Variants in ACTN3 observed in about 807,000 individuals in gnomAD.
The protein encoded by ACTN3 is actinin alpha 3, also known as alpha-actinin-3.
A neutral mutation model predicts 119.6 loss-of-function variants in ACTN3; 91 were observed. The ratio of observed to expected loss-of-function variants is 0.76; its 90% CI spans 0.64 to 0.91. The LOEUF (loss-of-function observed/expected upper bound fraction) is 0.91, where lower values mean the gene tolerates loss of function less well. Ranked by LOEUF, ACTN3 falls within the 40% of genes least tolerant of loss-of-function variation. The pLI, the probability that ACTN3 is intolerant of heterozygous loss-of-function variation, is 0.00. For missense variants in ACTN3, 1,221 were observed against 1,215.1 expected (o/e 1.00, Z -0.07); for synonymous variants, 456 against 478.8 (o/e 0.95, Z 0.62).
At position 66,560,642 on chromosome 11, in the gene ACTN3, A is replaced by G. The variant is rs1042175804; in HGVS notation, c.1747A>G (p.Met583Val). 12 of 1,613,768 alleles carry G rather than the reference A, an allele frequency of 7.4e-6. No homozygotes were observed. Among genetic ancestry groups the G allele is most frequent in the Non-Finnish European group, 9.3e-6 (11 of 1,179,890 alleles). Reference sequence around the variant, plus strand: ...GGCTGACCGAGAGCGAGGTGCCATCATGGGCATCCAGGGTGAGATCCAGAA... The same window carrying G: ...GGCTGACCGAGAGCGAGGTGCCATCGTGGGCATCCAGGGTGAGATCCAGAA... ...PEADRERGAI[M>V]GIQGEIQKIC... is the part of the protein sequence containing the mutation. Residue 583 changes from methionine to valine, a missense_variant, in exon 15 of 21, where the codon ATG becomes GTG. Transcript: ENST00000513398.
Position 66,557,912 on chromosome 11 carries a change from G to A in ACTN3, c.1111G>A (p.Glu371Lys), listed in dbSNP as rs368474114. The change falls in exon 10 of 21, where the codon GAG (glutamate) becomes AAG (lysine). Residue 371 changes from glutamate to lysine, a missense_variant. Transcript: ENST00000513398. ...LSHRPAFMPSEGKLVSDIANA... is the reference protein window; with the variant it reads ...LSHRPAFMPSKGKLVSDIANA... ...CCACCGGCCTGCCTTCATGCCCTCCGAGGGCAAGCTGGTCTCGGTGAGCTC... is the reference window on the plus strand; with the variant it reads ...CCACCGGCCTGCCTTCATGCCCTCCAAGGGCAAGCTGGTCTCGGTGAGCTC... 4.4e-5 allele frequency: 69 copies of A among 1,584,910 alleles called. No individual in the cohort carries two copies. The highest frequency in any genetic ancestry group is 5.7e-5 in the Non-Finnish European group (66 of 1,165,282).
In ACTN3 at chr11:66,555,203, C is replaced by A; in HGVS notation, c.631C>A (p.Arg211=). 10 of 1,613,954 alleles carry A rather than the reference C, an allele frequency of 6.2e-6. No homozygotes were observed. The highest frequency in any genetic ancestry group is 8.5e-6 in the Non-Finnish European group (10 of 1,179,940). Residue 211 remains arginine, a synonymous_variant, in exon 6 of 21, where the codon CGA becomes AGA. Coordinates refer to ENST00000513398, the MANE Select transcript of ACTN3 (RefSeq NM_001104.4). The stretch of plus-strand genomic sequence containing the variant: ...TGACCTCATCGACTACGCCAAACTG[C>A]GAAAGGTAGAGGCCCCCACCACCCC... ...RPDLIDYAKL[R]KDDPIGNLNT...
At chr11:66,550,683 G>A (rs1458469024) in intron 1 of ACTN3, among the ~76,000 whole-genome samples, 2 of 152,178 alleles carry the variant, frequency 1.3e-5, no homozygotes, top group South Asian at 2.1e-4. Flanking sequence ...GGCTGGGCCC[G>A]AGTGCCAGCT....
intron 11 of ACTN3, among the ~76,000 whole-genome samples, chr11:66,558,556 TG>T (rs1322699674): frequency 6.6e-6 from 1 of 152,130 alleles, no homozygotes; most frequent in Non-Finnish European, 1.5e-5. Flanking sequence ...TTTGTAGAGA[TG>T]GGTTCTCACT....
At chr11:66,546,692 C>A (rs1412009229), upstream of ACTN3, 2 of 1,533,070 alleles carry the variant, frequency 1.3e-6, no homozygotes, top group Non-Finnish European at 1.7e-6. Context: ...GCCCCAGCAG[C>A]GGAGCAGGAA....
At chr11:66,547,727 A>G (rs1406736534) in intron 1 of ACTN3, among the ~76,000 whole-genome samples, 1 of 152,086 alleles carries the variant, frequency 6.6e-6, no homozygotes, top group Non-Finnish European at 1.5e-5. Context: ...TCTGCTGAAA[A>G]GGCCATAGGT....
chr11:66,550,998 C>T (rs1857456517), intron 1 of ACTN3: 2 of 639,402 alleles, frequency 3.1e-6, no homozygotes, highest in Non-Finnish European at 5.8e-6. Context: ...GGCCGGGTGC[C>T]CCAAGTCTGA....
Position 66,560,225 on chromosome 11 carries a change from C to G in ACTN3, c.1591C>G (p.Arg531Gly). ...IDRLQLEFARRAAPFNNWLDG... is the reference protein window; with the variant it reads ...IDRLQLEFARGAAPFNNWLDG... ...CCGGCTGCAACTGGAGTTTGCCCGG[C>G]GGGCCGCGCCCTTCAACAACTGGCT... is the stretch of plus-strand genomic sequence containing the variant. The change falls in exon 14 of 21, where the codon CGG (arginine) becomes GGG (glycine). Residue 531 changes from arginine (R) to glycine (G), a missense_variant. Around this residue, in one of 3 missense-constraint regions of ACTN3, gnomAD observed 934 missense variants for 899.9 expected, o/e 1.04. Coordinates refer to ENST00000513398, the MANE Select transcript of ACTN3 (RefSeq NM_001104.4). 6.2e-7 allele frequency: 1 copy of G among 1,611,944 alleles called. No homozygotes were observed. Among genetic ancestry groups the G allele is most frequent in the Non-Finnish European group, 8.5e-7 (1 of 1,179,096 alleles).
rs1857470483 is a variant in ACTN3 at position 66,551,521 on chromosome 11, AAC to A, written c.263-6_263-5del. On this transcript the variant is annotated splice_polypyrimidine_tract_variant and splice_region_variant and intron_variant, in intron 2 of 20. Transcript: ENST00000513398. ...CTTTGGCCCTTGGCCTCTCCTCTTA[AAC>A]CCAGGTGAGAGGCTGCCTAGGCCAG... 6.2e-7 allele frequency: 1 copy of A among 1,613,168 alleles called. No individual in the cohort carries two copies. Among genetic ancestry groups the A allele is most frequent in the African/African-American group, 1.3e-5 (1 of 74,888 alleles).
rs748489193 is a variant in ACTN3, at chr11:66,547,014, A to T, written c.77A>T (p.Tyr26Phe). The change falls in exon 1 of 21, where the codon TAC (tyrosine) becomes TTC (phenylalanine). Residue 26 changes from tyrosine to phenylalanine, a missense_variant. By Grantham distance (22) the Tyr-to-Phe change is conservative. Around this residue, in one of 3 missense-constraint regions of ACTN3, gnomAD observed 239 missense variants for 231.8 expected, o/e 1.03. Coordinates refer to ENST00000513398, the MANE Select transcript of ACTN3 (RefSeq NM_001104.4). ...RFAGGGGGGE[Y>F]MEQEEDWDRD... ...GCGGGCGGCGGCGGGGGCGGCGAGT[A>T]CATGGAACAGGAGGAGGACTGGGAC... 2 of 1,524,728 alleles carry T rather than the reference A, an allele frequency of 1.3e-6. No homozygotes were observed. Among genetic ancestry groups the T allele is most frequent in the Non-Finnish European group, 1.8e-6 (2 of 1,140,352 alleles). The allele number at this position is 1,524,728 out of a possible 1,614,324, so 94.4% of individuals were successfully genotyped here.
At position 66,559,327 on chromosome 11, in the gene ACTN3, C is replaced by T. The variant is rs369128953; in HGVS notation, c.1368C>T (p.Ser456=). The change falls in exon 12 of 21, where the codon AGC becomes AGT. Residue 456 remains serine (S), a synonymous_variant. Coordinates refer to ENST00000513398, the MANE Select transcript of ACTN3 (RefSeq NM_001104.4). ...ALLRRHEAFE[S]DLAAHQDRVE... Reference sequence around the variant, plus strand: ...TGCGGCGCCACGAGGCCTTTGAGAGCGACCTGGCGGCGCACCAGGACCGCG... The same window carrying T: ...TGCGGCGCCACGAGGCCTTTGAGAGTGACCTGGCGGCGCACCAGGACCGCG... The T allele has an allele frequency of 3.9e-5, 62 of 1,575,554 alleles. No homozygotes were observed. The highest frequency in any genetic ancestry group is 5.2e-5 in the Non-Finnish European group (61 of 1,163,360).
chr11:66,558,013 T>C lies in ACTN3; in HGVS notation c.1129-14T>C, dbSNP rs61890399. The C allele has an allele frequency of 0.094, 151,028 of 1,613,492 alleles. 8,174 individuals carry two copies. The highest frequency in any genetic ancestry group is 0.13 in the Middle Eastern group (809 of 6,062). ...GGCAAACCGTGATGGAGCGCACCCC[T>C]GCCTGCTCCACAGGACATCGCCAAC... is the stretch of plus-strand genomic sequence containing the variant. On this transcript the variant is annotated splice_polypyrimidine_tract_variant and intron_variant, in intron 10 of 20. Transcript: ENST00000513398.
At chr11:66,558,214 G>A (rs760616494) in intron 11 of ACTN3, 40 bp downstream of exon 11, 2 of 1,603,788 alleles carry the variant, frequency 1.2e-6, no homozygotes, top group African/African-American at 1.3e-5. Flanking sequence ...TGTCTCTTGG[G>A]GTGGAGATTG....
chr11:66,550,037 T>C (rs1198971334), intron 1 of ACTN3, among the ~76,000 whole-genome samples: 1 of 152,138 alleles, frequency 6.6e-6, no homozygotes, highest in Non-Finnish European at 1.5e-5. Flanking sequence ...GAAAGGTGGC[T>C]GAGGGGAAGA....
At chr11:66,561,395 G>C in intron 16 of ACTN3, 34 bp downstream of exon 16, 1 of 1,606,912 alleles carries the variant, frequency 6.2e-7, no homozygotes, top group Non-Finnish European at 8.5e-7. Flanking sequence ...AACCTGGGGG[G>C]ATGGGGCCAG....
intron 12 of ACTN3, among the ~76,000 whole-genome samples, chr11:66,559,758 T>C (rs1481850500): frequency 8.1e-6 from 1 of 124,168 alleles, no homozygotes; most frequent in Non-Finnish European, 1.6e-5. Context: ...AGCACCTCCA[T>C]GGACTGCAGC....
chr11:66,555,824 C>T (rs1347612506), intron 7 of ACTN3, among the ~76,000 whole-genome samples: 7 of 152,222 alleles, frequency 4.6e-5, no homozygotes, highest in Non-Finnish European at 7.3e-5. Context: ...GGGGGAAAGA[C>T]ACACAGACCG....
intron 17 of ACTN3, 26 bp downstream of exon 17, chr11:66,561,663 TG>T (rs1231153095): frequency 7.5e-6 from 12 of 1,597,792 alleles, no homozygotes; most frequent in Non-Finnish European, 8.5e-7. Flanking sequence ...CTCAGGAGAG[TG>T]GGGAGGCAGC....
intron 17 of ACTN3, 32 bp from the exon 18 acceptor site, chr11:66,561,990 C>T (rs1857782872): frequency 6.3e-7 from 1 of 1,580,470 alleles, no homozygotes; most frequent in Admixed American, 1.8e-5. Context: ...CACTGGCCGC[C>T]CACTGACAGT....
Sources: allele counts gnomAD v4.1 joint callset (sites outside exome capture counted in the v4.1 genomes callset), GRCh38; gene constraint gnomAD v4.1.1; regional missense constraint gnomAD v4.1.1; transcripts MANE v1.5; gene names NCBI Gene and HGNC (gene_info 2026-07-23, HGNC 2026-07-21).